The following EDA2R variants were observed in gnomAD, a reference collection of about 807,000 sequenced individuals.
EDA2R encodes ectodysplasin A2 receptor.
A neutral mutation model predicts 20.1 loss-of-function variants in EDA2R; 26 were observed. The observed-to-expected ratio is 1.30, with a 90% confidence interval of 0.95 to 1.80. EDA2R has a LOEUF of 1.80. EDA2R is among the 40% of genes most tolerant of loss of function. The pLI, the probability that EDA2R is intolerant of heterozygous loss-of-function variation, is 0.00. For synonymous variants in EDA2R, 114 were observed against 88.7 expected (o/e 1.29, Z -1.60); for missense variants, 277 against 228.7 (o/e 1.21, Z -1.36).
intron 1 of EDA2R, among the ~76,000 whole-genome samples, chrX:66,634,290 C>G (rs759248516): frequency 8.9e-6 from 1 of 112,175 alleles, no homozygotes; most frequent in Admixed American, 9.4e-5. Context: ...GAAGGTGAGA[C>G]TGATAACAAG....
chrX:66,616,060 G>T, intron 1 of EDA2R, 30 bp from the exon 2 acceptor site: 5 of 1,062,080 alleles, frequency 4.7e-6, no homozygotes, highest in Non-Finnish European at 6.6e-6. Flanking sequence ...GAACTAGCAA[G>T]CTAGTGGGAA....
At position 66,604,514 on chromosome X, in the gene EDA2R, C is replaced by G; in HGVS notation, c.267-8G>C. On this transcript the variant is annotated splice_region_variant and splice_polypyrimidine_tract_variant and intron_variant, in intron 3 of 6. Transcript: ENST00000374719. ...CGTGTCTTTCGGTAGAACCTGTGTTCAGAGCAATTAGGAATGGCAGGGTGA... is the reference window on the plus strand; with the variant it reads ...CGTGTCTTTCGGTAGAACCTGTGTTGAGAGCAATTAGGAATGGCAGGGTGA... The G allele has an allele frequency of 8.3e-7, 1 of 1,200,234 alleles. No individual in the cohort carries two copies. The highest frequency in any genetic ancestry group is 1.7e-5 in the African/African-American group (1 of 57,556).
intron 1 of EDA2R, among the ~76,000 whole-genome samples, chrX:66,619,977 C>T (rs1305232152): frequency 9.0e-6 from 1 of 111,485 alleles, no homozygotes; most frequent in Non-Finnish European, 1.9e-5. Context: ...ATTACCCCAG[C>T]AGGCTCCCTC....
chrX:66,607,544 G>A (rs746363336), intron 2 of EDA2R, among the ~76,000 whole-genome samples: 1 of 111,047 alleles, frequency 9.0e-6, no homozygotes, highest in Admixed American at 9.6e-5. Context: ...AGCCCGGGAA[G>A]TGGAGGCTGA....
chrX:66,623,109 T>C lies in EDA2R; in HGVS notation c.-10-7079A>G, dbSNP rs375019325. Among the ~76,000 whole-genome samples, 20 of 112,153 alleles carry C rather than the reference T, an allele frequency of 1.8e-4. 1 individual carries two copies. In the South Asian group the frequency reaches 7.1e-3, roughly 40 times the overall value. ...CCCTCCCCTAAGATTCTGTTGTAGT[T>C]AGTCAAAAATGTGGCATGAGCACGC... is the stretch of plus-strand genomic sequence containing the variant. On this transcript the variant is annotated intron_variant, in intron 1 of 6. Transcript: ENST00000374719.
At position 66,602,793 on chromosome X, in the gene EDA2R, G is replaced by A; in HGVS notation, c.357C>T (p.Ala119=). The part of the protein sequence containing the change: ...KQTPTSEVQC[A]FQLSLVEADT... ...CTGCCTCCACTAAGCTCAACTGGAAGGCACCTGTGAGACAAAAAAATGGGG... is the reference window on the plus strand; with the variant it reads ...CTGCCTCCACTAAGCTCAACTGGAAAGCACCTGTGAGACAAAAAAATGGGG... Residue 119 remains alanine (A), a synonymous_variant, in exon 5 of 7, where the codon GCC becomes GCT. Transcript: ENST00000374719. The A allele has an allele frequency of 1.7e-6, 2 of 1,180,953 alleles. No homozygotes were observed. The highest frequency in any genetic ancestry group is 1.1e-6 in the Non-Finnish European group (1 of 880,502).
At chrX:66,618,488 G>A (rs184840615) in intron 1 of EDA2R, among the ~76,000 whole-genome samples, 79 of 112,195 alleles carry the variant, frequency 7.0e-4, no homozygotes, top group African/African-American at 2.3e-3. Flanking sequence ...TAGTTACTCT[G>A]AGGTATTCCA....
chrX:66,605,662 G>A (rs1004547278), intron 2 of EDA2R, among the ~76,000 whole-genome samples: 15 of 111,637 alleles, frequency 1.3e-4, no homozygotes, highest in Admixed American at 2.9e-4. Context: ...TGTGAACTGC[G>A]TACAAGCTCT....
intron 1 of EDA2R, among the ~76,000 whole-genome samples, chrX:66,621,897 G>T (rs1016533968): frequency 1.8e-5 from 2 of 112,248 alleles, no homozygotes; most frequent in Admixed American, 9.4e-5. Context: ...CTTATAGTAT[G>T]TGAATTATAT....
rs193191639 is a variant in EDA2R at position 66,605,081 on chromosome X, G to A, written c.233C>T (p.Thr78Ile). The A allele has an allele frequency of 2.6e-5, 31 of 1,206,781 alleles. No individual in the cohort carries two copies. The East Asian group carries it at 8.9e-4, about 35-fold the overall frequency. Reference sequence around the variant, plus strand: ...ACAGTCCCCACAGACAGCATTAGAGGTAGCTGTGCAGTTGACCTTCTGAAC... The same window carrying A: ...ACAGTCCCCACAGACAGCATTAGAGATAGCTGTGCAGTTGACCTTCTGAAC... ...NRVQKVNCTA[T>I]SNAVCGDCLP... Residue 78 changes from threonine to isoleucine, a missense_variant, in exon 3 of 7, where the codon ACC becomes ATC. Transcript: ENST00000374719.
chrX:66,634,274 T>C (rs954557892), intron 1 of EDA2R, among the ~76,000 whole-genome samples: 2 of 112,388 alleles, frequency 1.8e-5, no homozygotes, highest in African/African-American at 6.5e-5. Context: ...TGTGAGGTTG[T>C]GGAGGGAAGG....
At chrX:66,637,321 C>T (rs1934423672) in intron 1 of EDA2R, among the ~76,000 whole-genome samples, 1 of 111,908 alleles carries the variant, frequency 8.9e-6, no homozygotes, top group African/African-American at 3.3e-5. Context: ...AGTTCCAGGG[C>T]CTTGTTCCCT....
chrX:66,611,543 T>A (rs917150834), intron 2 of EDA2R, among the ~76,000 whole-genome samples: 65 of 111,265 alleles, frequency 5.8e-4, no homozygotes, highest in Non-Finnish European at 9.8e-4. Flanking sequence ...ATGACAGAAA[T>A]TTTAAAAATT....
At chrX:66,606,298 G>A (rs1319118716) in intron 2 of EDA2R, among the ~76,000 whole-genome samples, 4 of 111,967 alleles carry the variant, frequency 3.6e-5, no homozygotes, top group Non-Finnish European at 7.5e-5. Context: ...TAACCCCACT[G>A]CAATGAAGTG....
chrX:66,599,385 A>C, intron 6 of EDA2R, 89 bp downstream of exon 6: 1 of 1,006,838 alleles, frequency 9.9e-7, no homozygotes, highest in Non-Finnish European at 1.3e-6. Context: ...CTAGTGAATA[A>C]TACTATTCCA....
chrX:66,630,859 GTA>G (rs1337716547), intron 1 of EDA2R, among the ~76,000 whole-genome samples: 109 of 78,693 alleles, frequency 1.4e-3, no homozygotes, highest in African/African-American at 1.7e-3. Flanking sequence ...ACAAACACAC[GTA>G]TATATATATA....
chrX:66,618,848 T>C (rs1466586596), intron 1 of EDA2R, among the ~76,000 whole-genome samples: 1 of 112,647 alleles, frequency 8.9e-6, no homozygotes, highest in Non-Finnish European at 1.9e-5. Flanking sequence ...ACTTGAGTTT[T>C]AATTTTAATT....
At chrX:66,614,581 C>T (rs1057496882) in intron 2 of EDA2R, among the ~76,000 whole-genome samples, 1 of 112,057 alleles carries the variant, frequency 8.9e-6, no homozygotes, top group Admixed American at 9.5e-5. Context: ...TTCCTTGGTA[C>T]TGGGATCCTT....
chrX:66,607,330 G>A (rs1052715061), intron 2 of EDA2R, among the ~76,000 whole-genome samples: 2 of 112,191 alleles, frequency 1.8e-5, no homozygotes, highest in African/African-American at 3.2e-5. Flanking sequence ...CTGAACATGA[G>A]CTAAATTAAC....
Sources: allele counts gnomAD v4.1 joint callset (sites outside exome capture counted in the v4.1 genomes callset), GRCh38; gene constraint gnomAD v4.1.1; transcripts MANE v1.5; gene names NCBI Gene and HGNC (gene_info 2026-07-23, HGNC 2026-07-21).